Variants in KLHL5 observed in about 807,000 individuals in gnomAD.
The protein encoded by KLHL5 is kelch like family member 5, also known as kelch-like protein 5.
In KLHL5, 48 loss-of-function variants were observed where a neutral mutation model predicts 77.7. The observed-to-expected ratio is 0.62, with a 90% confidence interval of 0.49 to 0.79. The LOEUF is 0.79. KLHL5 is among the 30% of genes least tolerant of loss of function. The pLI is 0.00. For missense variants in KLHL5, 723 were observed against 859.7 expected, an observed-to-expected ratio of 0.84 and a Z score of 1.99; for synonymous variants, 260 against 297.0, an observed-to-expected ratio of 0.88 and a Z score of 1.28.
At position 39,081,940 on chromosome 4, in the gene KLHL5, T is replaced by A. The variant is rs780815501; in HGVS notation, c.704-23T>A. On this transcript the variant is annotated intron_variant, in intron 3 of 10. Transcript: ENST00000504108. This position sits in a 1 kb window ranked among gnomAD's most constrained non-coding sequence, Gnocchi z 4.3. Reference sequence around the variant, plus strand: ...AAGGTTAATGTAGTTCCATGGCTAATGGAATTTCTTTTTATCATTAAGGCC... The same window carrying A: ...AAGGTTAATGTAGTTCCATGGCTAAAGGAATTTCTTTTTATCATTAAGGCC... The A allele has an allele frequency of 2.0e-6, 3 of 1,527,846 alleles. No individual in the cohort carries two copies. Among genetic ancestry groups the A allele is most frequent in the Non-Finnish European group, 1.8e-6 (2 of 1,129,058 alleles). The allele number at this position is 1,527,846 out of a possible 1,614,324, so 94.6% of individuals were successfully genotyped here. A position where few individuals can be genotyped will look rare whatever the true frequency, so the allele number is the denominator to read the frequency against.
chr4:39,113,273 A>G (rs375759534), intron 9 of KLHL5, 41 bp downstream of exon 9: 29 of 1,489,960 alleles, frequency 1.9e-5, no homozygotes, highest in Admixed American at 1.1e-4. Context: ...AAAAAGATAT[A>G]TATAAGTCTC....
upstream of KLHL5, chr4:39,045,038 C>A: frequency 6.0e-6 from 6 of 993,636 alleles, no homozygotes; most frequent in Non-Finnish European, 6.0e-6. Flanking sequence ...CTCCCCCGCT[C>A]CTCCCGCCTG....
rs1409098245 is a variant in KLHL5, at chr4:39,081,245, G to A, written c.703+6G>A. 2.5e-6 allele frequency: 4 copies of A among 1,586,834 alleles called. No individual in the cohort carries two copies. Among genetic ancestry groups the A allele is most frequent in the South Asian group, 2.3e-5 (2 of 85,800 alleles). ...GATCCAGTATGCTTATACAGGTAAC[G>A]AGTCTGAAAATGTAAATTAAAACCT... is the stretch of plus-strand genomic sequence containing the variant. On this transcript the variant is annotated splice_donor_region_variant and intron_variant, in intron 3 of 10. Transcript: ENST00000504108. The surrounding 1 kb of genome is among the most constrained non-coding windows in gnomAD (Gnocchi z 4.3).
chr4:39,048,606 AC>A (rs1716380987), intron 1 of KLHL5, among the ~76,000 whole-genome samples: 1 of 143,732 alleles, frequency 7.0e-6, no homozygotes, highest in East Asian at 2.1e-4. Context: ...AGTTGTTAGG[AC>A]AGGGAAAAGG....
chr4:39,104,952 G>T (rs1432544113), intron 7 of KLHL5, among the ~76,000 whole-genome samples: 1 of 151,514 alleles, frequency 6.6e-6, no homozygotes, highest in African/African-American at 2.4e-5. Context: ...TTCCAGTAGA[G>T]ACACGTTTCA....
chr4:39,108,059 G>A (rs1039023182), intron 8 of KLHL5, among the ~76,000 whole-genome samples: 9 of 151,408 alleles, frequency 5.9e-5, no homozygotes, highest in African/African-American at 1.9e-4. Flanking sequence ...TCTATATTAT[G>A]TTTAAAAGTA....
intron 6 of KLHL5, 46 bp downstream of exon 6, chr4:39,096,924 A>T (rs375840174): frequency 6.7e-7 from 1 of 1,486,976 alleles, no homozygotes; most frequent in South Asian, 1.1e-5. Flanking sequence ...AGAGAAAAAG[A>T]TATTTTAATA....
At chr4:39,093,643 T>C (rs980008534) in intron 5 of KLHL5, among the ~76,000 whole-genome samples, 1 of 152,136 alleles carries the variant, frequency 6.6e-6, no homozygotes, top group Non-Finnish European at 1.5e-5. Context: ...TGGTGGCTCA[T>C]GCCTGTGATC....
At chr4:39,115,547 A>T in intron 10 of KLHL5, 1 of 1,455,948 alleles carries the variant, frequency 6.9e-7, no homozygotes, top group Non-Finnish European at 9.0e-7. Context: ...TACTCAGAGA[A>T]ATTATTAATT....
At chr4:39,127,487 G>A (rs1000033272), downstream of KLHL5, among the ~76,000 whole-genome samples, 3 of 151,958 alleles carry the variant, frequency 2.0e-5, no homozygotes, top group Non-Finnish European at 2.9e-5. Context: ...TTGCTCTGTC[G>A]CCCAGGCTGG....
intron 1 of KLHL5, among the ~76,000 whole-genome samples, chr4:39,051,370 GA>G (rs34674968): frequency 0.74 from 105,696 of 142,396 alleles, 38,314 homozygotes; most frequent in East Asian, 0.81. Flanking sequence ...GGATTTCCCA[GA>G]AAAAAAAAAA....
intron 5 of KLHL5, among the ~76,000 whole-genome samples, chr4:39,088,329 G>A (rs1031522027): frequency 1.3e-5 from 2 of 152,164 alleles, no homozygotes; most frequent in African/African-American, 4.8e-5. Flanking sequence ...GAGATCATTT[G>A]TTCGAACACC....
intron 5 of KLHL5, chr4:39,092,998 C>A: frequency 1.8e-5 from 8 of 435,102 alleles, no homozygotes; most frequent in South Asian, 1.3e-4. Context: ...CAGTTCTACT[C>A]CTAGGTAATA....
intron 4 of KLHL5, 148 bp downstream of exon 4, chr4:39,082,307 A>C (rs369220079): frequency 5.0e-5 from 33 of 662,400 alleles, no homozygotes; most frequent in African/African-American, 5.4e-5. Context: ...ATTTTCATTG[A>C]GTTATAATGG....
chr4:39,096,230 C>G (rs1490023815), intron 5 of KLHL5, among the ~76,000 whole-genome samples: 1 of 151,870 alleles, frequency 6.6e-6, no homozygotes, highest in Non-Finnish European at 1.5e-5. Flanking sequence ...GTTCTTTTCC[C>G]CTTGAGAAAC....
In KLHL5 at chr4:39,062,368, C is replaced by A. The variant is rs1023404059; in HGVS notation, c.-285C>A. On this transcript the variant is annotated 5_prime_UTR_variant, in exon 1 of 11. Coordinates refer to ENST00000504108, the MANE Select transcript of KLHL5 (RefSeq NM_015990.5). ...TAATGGTCAGTATGGGAAAGGAGAG[C>A]CGGGAAAGTGGTCTAGCTGCTTCAG... 5 of 1,437,018 alleles carry A rather than the reference C, an allele frequency of 3.5e-6. No homozygotes were observed. The African/African-American group carries it at 7.2e-5, about 21-fold the overall frequency. The allele number at this position is 1,437,018 out of a possible 1,614,324, so 89.0% of individuals were successfully genotyped here. A position where few individuals can be genotyped will look rare whatever the true frequency, so the allele number is the denominator to read the frequency against.
At chr4:39,088,273 T>A (rs759637502) in intron 5 of KLHL5, among the ~76,000 whole-genome samples, 1 of 152,222 alleles carries the variant, frequency 6.6e-6, no homozygotes, top group Admixed American at 6.5e-5. Flanking sequence ...TCCAGGATAC[T>A]GCTGATAATC....
chr4:39,060,817 G>A (rs1281910756), upstream of KLHL5, among the ~76,000 whole-genome samples: 1 of 152,156 alleles, frequency 6.6e-6, no homozygotes, highest in African/African-American at 2.4e-5. Context: ...GCACAGTACT[G>A]CCAAGTTAAT....
intron 1 of KLHL5, among the ~76,000 whole-genome samples, chr4:39,045,608 C>T (rs1560398321): frequency 6.6e-6 from 1 of 152,038 alleles, no homozygotes; most frequent in African/African-American, 2.4e-5. Flanking sequence ...TTCATTTTCC[C>T]GAGACCCGGC....
Sources: allele counts gnomAD v4.1 joint callset (sites outside exome capture counted in the v4.1 genomes callset), GRCh38; gene constraint gnomAD v4.1.1; non-coding constraint Gnocchi (gnomAD v3.1); transcripts MANE v1.5; gene names NCBI Gene and HGNC (gene_info 2026-07-23, HGNC 2026-07-21).